Variants in LRRIQ1 observed in about 807,000 individuals in gnomAD.
The protein encoded by LRRIQ1 is leucine-rich repeat- and IQ domain-containing protein 1.
LRRIQ1 carries 210 observed loss-of-function variants against 211.9 expected under a neutral mutation model. That is an observed-to-expected ratio of 0.99 (90% CI 0.89 to 1.11). The LOEUF (loss-of-function observed/expected upper bound fraction) is 1.11, where lower values mean the gene tolerates loss of function less well. Ranked by LOEUF, LRRIQ1 falls within the 50% of genes most tolerant of loss-of-function variation. The probability of loss-of-function intolerance (pLI) is 0.00; values close to 1 mark genes in which losing one functional copy is unlikely to be tolerated. For synonymous variants in LRRIQ1, 699 were observed against 650.1 expected (o/e 1.08, Z -1.14); for missense variants, 2,136 against 1,939.5 (o/e 1.10, Z -1.90).
In LRRIQ1 at chr12:85,104,035, G is replaced by T. The variant is rs748752901; in HGVS notation, c.3241G>T (p.Val1081Phe). 2 of 1,565,604 alleles carry T rather than the reference G, an allele frequency of 1.3e-6. No individual in the cohort carries two copies. Among genetic ancestry groups the T allele is most frequent in the African/African-American group, 1.4e-5 (1 of 72,516 alleles). ...TAAAATCGTACCACTTTTTCATTTT[G>T]TTTCATTGGAAAAGCTAGATGTCAG... ...LTKIVPLFHF[V>F]SLEKLDVSHN... The change falls in exon 14 of 27, where the codon GTT (valine) becomes TTT (phenylalanine). Residue 1081 changes from valine (V) to phenylalanine (F), a missense_variant. Coordinates refer to ENST00000393217, the MANE Select transcript of LRRIQ1 (RefSeq NM_001079910.2).
intron 24 of LRRIQ1, among the ~76,000 whole-genome samples, chr12:85,165,279 C>T (rs749462585): frequency 6.6e-6 from 1 of 151,814 alleles, no homozygotes; most frequent in Admixed American, 6.6e-5. Context: ...TTTTTCAGCC[C>T]CTGGTTTCCT....
intron 11 of LRRIQ1, among the ~76,000 whole-genome samples, chr12:85,089,280 C>T (rs115278673): frequency 0.013 from 2,051 of 152,218 alleles, 43 homozygotes; most frequent in African/African-American, 0.045. Flanking sequence ...AGAATGGTCT[C>T]ATGCAGAAAA....
chr12:85,225,450 A>G (rs1473829181), intron 24 of LRRIQ1, among the ~76,000 whole-genome samples: 1 of 152,126 alleles, frequency 6.6e-6, no homozygotes, highest in Non-Finnish European at 1.5e-5. Flanking sequence ...GTGGTTGCAG[A>G]TTGTCTTTTC....
Position 85,128,005 on chromosome 12 carries a change from A to G in LRRIQ1, c.4181A>G (p.Gln1394Arg). 1 of 1,611,980 alleles carries G rather than the reference A, an allele frequency of 6.2e-7. No homozygotes were observed. Among genetic ancestry groups the G allele is most frequent in the East Asian group, 2.2e-5 (1 of 44,860 alleles). The change falls in exon 18 of 27, where the codon CAG (glutamine) becomes CGG (arginine). Residue 1394 changes from glutamine to arginine, a missense_variant. Gln to Arg is a conservative substitution (Grantham distance 43). Transcript: ENST00000393217. ...GAAAATATTGTGAATATCCGAAAAC[A>G]GAGGGAGAAGGCTGCTATTCTTATT... ...KRENIVNIRK[Q>R]REKAAILIQA...
Position 85,056,506 on chromosome 12 carries a change from G to A in LRRIQ1, c.1713G>A (p.Glu571=). The change falls in exon 8 of 27, where the codon GAG becomes GAA. Residue 571 remains glutamate, a synonymous_variant. Transcript: ENST00000393217. ...TCAGTGAGGTGAAAACCAATGAAGA[G>A]CAGAAAATAATCAAAGATAATCAGC... is the stretch of plus-strand genomic sequence containing the variant. The part of the protein sequence containing the change: ...QEISEVKTNE[E]QKIIKDNQQK... 1.2e-6 allele frequency: 2 copies of A among 1,611,804 alleles called. No individual in the cohort carries two copies. Among genetic ancestry groups the A allele is most frequent in the Non-Finnish European group, 1.7e-6 (2 of 1,179,092 alleles).
intron 11 of LRRIQ1, among the ~76,000 whole-genome samples, chr12:85,077,843 C>G (rs1429494882): frequency 6.6e-6 from 1 of 151,924 alleles, no homozygotes; most frequent in Non-Finnish European, 1.5e-5. Context: ...AAAAAATAAG[C>G]CAGGTGGGCT....
intron 26 of LRRIQ1, among the ~76,000 whole-genome samples, chr12:85,238,924 C>T (rs902305895): frequency 1.3e-5 from 2 of 151,822 alleles, no homozygotes; most frequent in Non-Finnish European, 2.9e-5. Flanking sequence ...CAAGGACACA[C>T]AATAAAGTTT....
intron 24 of LRRIQ1, among the ~76,000 whole-genome samples, chr12:85,165,467 C>CTTTTTTTTTTTT (rs779566934): frequency 8.4e-6 from 1 of 118,638 alleles, no homozygotes; most frequent in Non-Finnish European, 1.7e-5. Context: ...TGATTTCTTA[C>CTTTTTTTTTTTT]TTTTTTTTTT....
chr12:85,253,386 T>A (rs1896004012), intron 1 of LRRIQ1, among the ~76,000 whole-genome samples: 1 of 152,114 alleles, frequency 6.6e-6, no homozygotes. Flanking sequence ...ACAAGATTCA[T>A]GCAATATTCT....
At position 85,121,745 on chromosome 12, in the gene LRRIQ1, T is replaced by C. The variant is rs1485478309; in HGVS notation, c.3426T>C (p.Asn1142=). The C allele has an allele frequency of 6.2e-7, 1 of 1,604,698 alleles. No homozygotes were observed. The highest frequency in any genetic ancestry group is 1.1e-5 in the South Asian group (1 of 89,238). Residue 1142 remains asparagine, a synonymous_variant, in exon 16 of 27, where the codon AAT becomes AAC. Transcript: ENST00000393217. ...CTGCTCTGAGAATCCTCAATGGCAATATACTAAACTCTAATTCAGAAAGCC... is the reference window on the plus strand; with the variant it reads ...CTGCTCTGAGAATCCTCAATGGCAACATACTAAACTCTAATTCAGAAAGCC... ...VLPALRILNG[N]ILNSNSESRT... is the part of the protein sequence containing the mutation.
chr12:85,062,576 T>C (rs980517132), intron 8 of LRRIQ1, among the ~76,000 whole-genome samples: 2 of 148,112 alleles, frequency 1.4e-5, no homozygotes, highest in Non-Finnish European at 3.0e-5. Context: ...ATGTACTACT[T>C]TTTTTTTTTT....
At chr12:85,051,791 G>A (rs1189638772) in intron 6 of LRRIQ1, among the ~76,000 whole-genome samples, 1 of 152,042 alleles carries the variant, frequency 6.6e-6, no homozygotes. Context: ...ATCACTTACT[G>A]AACTGATTTA....
At chr12:85,089,724 A>T (rs907758618) in intron 11 of LRRIQ1, among the ~76,000 whole-genome samples, 2 of 152,222 alleles carry the variant, frequency 1.3e-5, no homozygotes, top group African/African-American at 4.8e-5. Context: ...GTGGTAGCAA[A>T]ATAATGACTT....
At chr12:85,072,385 G>A (rs903553982) in intron 10 of LRRIQ1, among the ~76,000 whole-genome samples, 8 of 151,914 alleles carry the variant, frequency 5.3e-5, no homozygotes, top group Non-Finnish European at 1.2e-4. Flanking sequence ...TGAAAAGGAG[G>A]CAGGGTTTTT....
intron 23 of LRRIQ1, among the ~76,000 whole-genome samples, chr12:85,157,193 T>G (rs898904607): frequency 3.9e-5 from 6 of 151,960 alleles, no homozygotes; most frequent in Admixed American, 2.6e-4. Flanking sequence ...GGCAACAAAC[T>G]GAGCGAGGAA....
chr12:85,087,998 T>C (rs1885002751), intron 11 of LRRIQ1, among the ~76,000 whole-genome samples: 1 of 152,212 alleles, frequency 6.6e-6, no homozygotes, highest in African/African-American at 2.4e-5. Flanking sequence ...GCTTTCGGTG[T>C]TTTAGATATG....
At chr12:85,083,449 T>A (rs1884497683) in intron 11 of LRRIQ1, among the ~76,000 whole-genome samples, 1 of 151,944 alleles carries the variant, frequency 6.6e-6, no homozygotes, top group Non-Finnish European at 1.5e-5. Context: ...TAACTTTTTT[T>A]TTTTTTTTTA....
chr12:85,182,309 G>GA (rs145202701), intron 24 of LRRIQ1, among the ~76,000 whole-genome samples: 8,707 of 151,054 alleles, frequency 0.058, 831 homozygotes, highest in African/African-American at 0.2. Context: ...CCCAAGTTAA[G>GA]AAAAAAAAAT....
chr12:85,139,545 T>C (rs1889370350), intron 19 of LRRIQ1, among the ~76,000 whole-genome samples: 1 of 151,480 alleles, frequency 6.6e-6, no homozygotes, highest in African/African-American at 2.4e-5. Flanking sequence ...ATGGTATTTT[T>C]CAGAATTCAG....
Sources: allele counts gnomAD v4.1 joint callset (sites outside exome capture counted in the v4.1 genomes callset), GRCh38; gene constraint gnomAD v4.1.1; transcripts MANE v1.5; gene names NCBI Gene and HGNC (gene_info 2026-07-23, HGNC 2026-07-21).